NR1H3: variants seen among roughly 807,000 people sequenced by gnomAD.
The protein encoded by NR1H3 is oxysterols receptor LXR-alpha.
Under a neutral mutation model 48.1 loss-of-function variants are expected in NR1H3, and 19 were observed. That is an observed-to-expected ratio of 0.40 (90% CI 0.28 to 0.58). The LOEUF is 0.58. NR1H3 is among the 20% of genes least tolerant of loss of function. NR1H3 has a pLI of 0.50. For missense variants in NR1H3, 486 were observed against 595.9 expected, an observed-to-expected ratio of 0.82 and a Z score of 1.92; for synonymous variants, 232 against 227.3, an observed-to-expected ratio of 1.02 and a Z score of -0.19.
At chr11:47,262,092 A>C in intron 7 of NR1H3, 74 bp downstream of exon 7, 1 of 1,205,556 alleles carries the variant, frequency 8.3e-7, no homozygotes, top group Non-Finnish European at 1.2e-6. Flanking sequence ...ATTTTTAAAA[A>C]TTGAGGGCCA....
intron 2 of NR1H3, 118 bp downstream of exon 2, chr11:47,259,377 AT>A: frequency 6.2e-7 from 1 of 1,601,620 alleles, no homozygotes; most frequent in Non-Finnish European, 8.5e-7. Context: ...GTCCAGAGTC[AT>A]TCTTAGTCGT....
intron 4 of NR1H3, among the ~76,000 whole-genome samples, chr11:47,261,023 T>G (rs554762157): frequency 9.5e-4 from 144 of 151,900 alleles, no homozygotes; most frequent in African/African-American, 3.4e-3. Flanking sequence ...AGGTGGAGGT[T>G]GCAGTGTGCC....
At position 47,261,334 on chromosome 11, in the gene NR1H3, C is replaced by T; in HGVS notation, c.593C>T (p.Ser198Leu). The change falls in exon 5 of 10, where the codon TCA (serine) becomes TTA (leucine). Residue 198 changes from serine to leucine, a missense_variant. Ser to Leu is a moderately radical substitution (Grantham distance 145, BLOSUM62 -2). Transcript: ENST00000441012. ...ACATCCTTGCCCCCCAGGGCTTCCTCACCCCCCCAAATCCTGCCCCAGCTC... is the reference window on the plus strand; with the variant it reads ...ACATCCTTGCCCCCCAGGGCTTCCTTACCCCCCCAAATCCTGCCCCAGCTC... ...HATSLPPRAS[S>L]PPQILPQLSP... 1.2e-6 allele frequency: 2 copies of T among 1,614,062 alleles called. No homozygotes were observed. The highest frequency in any genetic ancestry group is 1.7e-6 in the Non-Finnish European group (2 of 1,179,994).
chr11:47,257,345 ACCCCTAT>A (rs1414872202), upstream of NR1H3, among the ~76,000 whole-genome samples: 3 of 151,332 alleles, frequency 2.0e-5, no homozygotes, highest in Admixed American at 2.0e-4. Context: ...TGCCACCTCC[ACCCCTAT>A]CCCAGGCCTG....
chr11:47,251,023 G>A (rs1018917175), intron 1 of NR1H3, among the ~76,000 whole-genome samples: 3 of 152,038 alleles, frequency 2.0e-5, no homozygotes, highest in Non-Finnish European at 4.4e-5. Flanking sequence ...GCCGGGTGTG[G>A]TGGCAGGTGC....
chr11:47,258,381 CG>C (rs1955431113), intron 1 of NR1H3: 1 of 184,748 alleles, frequency 5.4e-6, no homozygotes, highest in Non-Finnish European at 1.0e-5. Context: ...GTGGCACGAG[CG>C]AGGTTCTCTA....
rs1591127791 is a variant in NR1H3, at chr11:47,261,667, G to A, written c.829G>A (p.Gly277Ser). 3 of 1,614,182 alleles carry A rather than the reference G, an allele frequency of 1.9e-6. No homozygotes were observed. Among genetic ancestry groups the A allele is most frequent in the Non-Finnish European group, 2.5e-6 (3 of 1,180,052 alleles). ...EIVDFAKQLP[G>S]FLQLSREDQI... Reference sequence around the variant, plus strand: ...AGTTGACTTTGCTAAACAGCTACCCGGCTTCCTGCAGCTCAGCCGGGAGGA... The same window carrying A: ...AGTTGACTTTGCTAAACAGCTACCCAGCTTCCTGCAGCTCAGCCGGGAGGA... The change falls in exon 6 of 10, where the codon GGC (glycine) becomes AGC (serine). Residue 277 changes from glycine to serine, a missense_variant. Physicochemically the swap from Gly to Ser is moderately conservative, Grantham distance 56. Coordinates refer to ENST00000441012, the MANE Select transcript of NR1H3 (RefSeq NM_005693.4).
chr11:47,261,725 A>G lies in NR1H3; in HGVS notation c.887A>G (p.Glu296Gly). Residue 296 changes from glutamate to glycine, a missense_variant and splice_region_variant, in exon 6 of 10, where the codon GAG (glutamate) becomes GGG (glycine). Glu to Gly is a moderately conservative substitution (Grantham distance 98). Coordinates refer to ENST00000441012, the MANE Select transcript of NR1H3 (RefSeq NM_005693.4). ...GCCCTGCTGAAGACCTCTGCGATCG[A>G]GGTGGCTGGAGAAGGGCAAGGGATG... is the stretch of plus-strand genomic sequence containing the variant. ...QIALLKTSAI[E>G]VMLLETSRRY... The G allele has an allele frequency of 6.2e-7, 1 of 1,614,040 alleles. No homozygotes were observed. Among genetic ancestry groups the G allele is most frequent in the Non-Finnish European group, 8.5e-7 (1 of 1,180,040 alleles).
At chr11:47,268,474 T>C in intron 9 of NR1H3, 76 bp from the exon 10 acceptor site, 2 of 1,599,464 alleles carry the variant, frequency 1.3e-6, no homozygotes, top group Non-Finnish European at 1.7e-6. Context: ...AATTCACCTC[T>C]CCCACAACTC....
chr11:47,254,613 A>G (rs1954922452), upstream of NR1H3, among the ~76,000 whole-genome samples: 1 of 152,144 alleles, frequency 6.6e-6, no homozygotes, highest in Admixed American at 6.5e-5. Flanking sequence ...GAGGGGGAAC[A>G]AAAGCAAAAG....
chr11:47,252,844 C>G (rs566432037), intron 1 of NR1H3, among the ~76,000 whole-genome samples: 2 of 152,008 alleles, frequency 1.3e-5, no homozygotes, highest in African/African-American at 4.8e-5. Flanking sequence ...GCTGGGATTA[C>G]AGGCATGAGC....
Position 47,259,204 on chromosome 11 carries a change from G to A in NR1H3, c.-13G>A, listed in dbSNP as rs375552731. Reference sequence around the variant, plus strand: ...GGACAGTGCCTTGGTAATGACCAGGGCTCCAGGAAGAGATGTCCTTGTGGC... The same window carrying A: ...GGACAGTGCCTTGGTAATGACCAGGACTCCAGGAAGAGATGTCCTTGTGGC... On this transcript the variant is annotated 5_prime_UTR_variant, in exon 2 of 10. Transcript: ENST00000441012. 27 of 1,614,032 alleles carry A rather than the reference G, an allele frequency of 1.7e-5. No individual in the cohort carries two copies. The African/African-American group carries it at 2.5e-4, about 15-fold the overall frequency.
chr11:47,248,917 T>G, exon 1 of NR1H3: 1 of 1,536,676 alleles, frequency 6.5e-7, no homozygotes, highest in Non-Finnish European at 8.7e-7. Context: ...AGGGACCTGC[T>G]GGGGTGCGGG....
At chr11:47,266,071 C>G (rs1298722569) in intron 7 of NR1H3, among the ~76,000 whole-genome samples, 1 of 152,138 alleles carries the variant, frequency 6.6e-6, no homozygotes, top group East Asian at 1.9e-4. Flanking sequence ...AGTCTGGCAC[C>G]AAAATCCACA....
In NR1H3 at chr11:47,259,200, C is replaced by G; in HGVS notation, c.-17C>G. ...TGCAGGACAGTGCCTTGGTAATGAC[C>G]AGGGCTCCAGGAAGAGATGTCCTTG... On this transcript the variant is annotated 5_prime_UTR_variant, in exon 2 of 10. Coordinates refer to ENST00000441012, the MANE Select transcript of NR1H3 (RefSeq NM_005693.4). 1.2e-6 allele frequency: 2 copies of G among 1,614,154 alleles called. No individual in the cohort carries two copies. The highest frequency in any genetic ancestry group is 1.6e-4 in the Middle Eastern group (1 of 6,062).
At chr11:47,268,517 C>G in intron 9 of NR1H3, 33 bp from the exon 10 acceptor site, 1 of 1,613,842 alleles carries the variant, frequency 6.2e-7, no homozygotes. Context: ...TGGGGACAGG[C>G]AAAAGCTGTG....
At chr11:47,249,081 C>G in intron 1 of NR1H3, 1 of 1,315,348 alleles carries the variant, frequency 7.6e-7, no homozygotes, top group Non-Finnish European at 1.0e-6. Flanking sequence ...TGCCTCTGCT[C>G]GGAGAAATCC....
At position 47,267,945 on chromosome 11, in the gene NR1H3, G is replaced by A. The variant is rs758560008; in HGVS notation, c.1021G>A (p.Glu341Lys). Residue 341 changes from glutamate (E) to lysine (K), a missense_variant, in exon 8 of 10, where the codon GAG (glutamate) becomes AAG (lysine). Physicochemically the swap from Glu to Lys is moderately conservative, Grantham distance 56. Transcript: ENST00000441012. ...LQVEFINPIF[E>K]FSRAMNELQL... ...AGTGGAATTCATCAACCCCATCTTC[G>A]AGTTCTCCAGGGCCATGAATGAGCT... 70 of 1,613,932 alleles carry A rather than the reference G, an allele frequency of 4.3e-5. No individual in the cohort carries two copies. Among genetic ancestry groups the A allele is most frequent in the Non-Finnish European group, 5.7e-5 (67 of 1,180,008 alleles).
chr11:47,259,292 CA>C (rs1565185222), intron 2 of NR1H3, 33 bp downstream of exon 2: 1 of 1,614,020 alleles, frequency 6.2e-7, no homozygotes, highest in South Asian at 1.1e-5. Flanking sequence ...CCCCTGAGCC[CA>C]GACCGCAGGC....
Sources: allele counts gnomAD v4.1 joint callset (sites outside exome capture counted in the v4.1 genomes callset), GRCh38; gene constraint gnomAD v4.1.1; transcripts MANE v1.5; gene names NCBI Gene and HGNC (gene_info 2026-07-23, HGNC 2026-07-21).